The following FAM20C variants were observed in gnomAD, a reference collection of about 807,000 sequenced individuals.
FAM20C encodes FAM20C golgi associated secretory pathway kinase, also known as extracellular serine/threonine protein kinase FAM20C.
Under a neutral mutation model 51.5 loss-of-function variants are expected in FAM20C, and 40 were observed. That is an observed-to-expected ratio of 0.78 (90% CI 0.60 to 1.01). The LOEUF is 1.01. Ranked by LOEUF, FAM20C falls within the 50% of genes least tolerant of loss-of-function variation. The pLI is 0.00. For synonymous variants in FAM20C, 406 were observed against 380.6 expected, an observed-to-expected ratio of 1.07 and a Z score of -0.78; for missense variants, 861 against 844.7, an observed-to-expected ratio of 1.02 and a Z score of -0.24.
chr7:257,150 C>G, intron 8 of FAM20C, 64 bp downstream of exon 8: 1 of 1,438,178 alleles, frequency 7.0e-7, no homozygotes, highest in Non-Finnish European at 9.4e-7. Context: ...TACCTGCAGC[C>G]CACCTGAGAC....
At chr7:198,011 C>G (rs1347934653) in intron 2 of FAM20C, among the ~76,000 whole-genome samples, 1 of 152,222 alleles carries the variant, frequency 6.6e-6, no homozygotes, top group Non-Finnish European at 1.5e-5. Flanking sequence ...CCCCAGGATT[C>G]TGGTGTGGCC....
chr7:255,826 A>G, intron 5 of FAM20C, 23 bp from the exon 6 acceptor site: 1 of 1,535,914 alleles, frequency 6.5e-7, no homozygotes, highest in Non-Finnish European at 8.7e-7. Context: ...GGCCCTGGTA[A>G]CCCGCAGCCT....
In FAM20C at chr7:202,328, G is replaced by A. The variant is rs1254040237; in HGVS notation, c.785-6570G>A. ...GGGGGCCCTATGGATATCTTCCAGT[G>A]TGCATAGAGAGAATGGGTGACTGCT... On this transcript the variant is annotated intron_variant, in intron 2 of 9. Coordinates refer to ENST00000313766, the MANE Select transcript of FAM20C (RefSeq NM_020223.4). 2.7e-5 allele frequency among the ~76,000 whole-genome samples: 4 copies of A among 147,982 alleles called. No individual in the cohort carries two copies. The East Asian group carries it at 8.1e-4, about 30-fold the overall frequency.
chr7:250,382 G>T (rs1358360689), intron 5 of FAM20C, among the ~76,000 whole-genome samples: 1 of 152,066 alleles, frequency 6.6e-6, no homozygotes, highest in African/African-American at 2.4e-5. Context: ...CGGGAAGAAG[G>T]GCTCCCTTCC....
intron 4 of FAM20C, 32 bp from the exon 5 acceptor site, chr7:248,283 G>T: frequency 6.7e-7 from 1 of 1,490,888 alleles, no homozygotes; most frequent in Non-Finnish European, 9.0e-7. Flanking sequence ...GCCGCACAGA[G>T]CACAGACCAT....
chr7:193,900 G>A (rs1256354688), intron 1 of FAM20C, 96 bp downstream of exon 1: 3 of 1,423,176 alleles, frequency 2.1e-6, no homozygotes, highest in Non-Finnish European at 2.8e-6. Context: ...CGCCCCCCAT[G>A]GAAGAGGCCG....
rs562814995 is a variant in FAM20C at position 223,995 on chromosome 7, C to T, written c.863+15019C>T. ...CCGTCCTGTGTCTGCCCCGGGCTCC[C>T]GGCCCGCCAGCACCATCACGGGGGT... is the stretch of plus-strand genomic sequence containing the variant. On this transcript the variant is annotated intron_variant, in intron 3 of 9. Transcript: ENST00000313766. 1.9e-3 allele frequency among the ~76,000 whole-genome samples: 295 copies of T among 152,112 alleles called. 3 individuals carry two copies. The highest frequency in any genetic ancestry group is 6.3e-3 in the African/African-American group (259 of 41,422).
chr7:246,348 G>A lies in FAM20C; in HGVS notation c.864-67G>A, dbSNP rs1403782475. ...TCATATGAGGAACCCAGCACGTCCC[G>A]CCTGCCTCCGGCCCCTGGAGGCTTT... On this transcript the variant is annotated intron_variant, in intron 3 of 9. Transcript: ENST00000313766. 1.8e-5 allele frequency: 24 copies of A among 1,350,026 alleles called. No individual in the cohort carries two copies. The Middle Eastern group carries it at 5.3e-4, about 30-fold the overall frequency. 83.6% of individuals were successfully genotyped at this position (1,350,026 alleles called of 1,614,324 possible). A position where few individuals can be genotyped will look rare whatever the true frequency, so the allele number is the denominator to read the frequency against.
chr7:230,031 T>A (rs1296826372), intron 3 of FAM20C, among the ~76,000 whole-genome samples: 2 of 152,188 alleles, frequency 1.3e-5, no homozygotes, highest in East Asian at 3.9e-4. Context: ...CGCGACCCTC[T>A]GGAAGGTGCC....
At chr7:201,133 C>A (rs1051344478) in intron 2 of FAM20C, among the ~76,000 whole-genome samples, 2 of 152,208 alleles carry the variant, frequency 1.3e-5, no homozygotes, top group African/African-American at 2.4e-5. Context: ...TTGGGTGAGG[C>A]CCTACTTCCA....
chr7:209,035 G>C, intron 3 of FAM20C, 59 bp downstream of exon 3: 2 of 1,520,596 alleles, frequency 1.3e-6, no homozygotes, highest in South Asian at 2.4e-5. Context: ...GCGAGCAGGC[G>C]CCGGGCTTCT....
At chr7:206,042 C>T (rs1786363659) in intron 2 of FAM20C, among the ~76,000 whole-genome samples, 1 of 152,142 alleles carries the variant, frequency 6.6e-6, no homozygotes, top group African/African-American at 2.4e-5. Context: ...ACGCCCTCAG[C>T]ACACGCGCGT....
chr7:228,241 T>A (rs1583314579), intron 3 of FAM20C: 2 of 332,568 alleles, frequency 6.0e-6, no homozygotes, highest in Non-Finnish European at 1.2e-5. Flanking sequence ...AAAAGATAGG[T>A]CAGTAGGCGA....
intron 3 of FAM20C, among the ~76,000 whole-genome samples, chr7:223,551 TG>T (rs916747058): frequency 6.6e-6 from 1 of 152,144 alleles, no homozygotes; most frequent in Non-Finnish European, 1.5e-5. Flanking sequence ...GCAGATGCCG[TG>T]GGGCGGACAT....
intron 2 of FAM20C, among the ~76,000 whole-genome samples, chr7:201,224 G>A (rs569427521): frequency 1.3e-5 from 2 of 152,318 alleles, no homozygotes; most frequent in East Asian, 1.9e-4. Flanking sequence ...CAGGGGGACC[G>A]CCTGACCGTG....
intron 3 of FAM20C, among the ~76,000 whole-genome samples, chr7:223,445 C>T (rs532636384): frequency 2.6e-5 from 4 of 152,224 alleles, no homozygotes; most frequent in African/African-American, 7.2e-5. Context: ...CCGTCTGTCT[C>T]GCTCTCCGGG....
intron 2 of FAM20C, among the ~76,000 whole-genome samples, chr7:199,070 C>T (rs910733979): frequency 8.5e-5 from 13 of 152,210 alleles, no homozygotes; most frequent in Admixed American, 4.6e-4. Flanking sequence ...CTGCAGGGAA[C>T]GGCACAAGAG....
intron 1 of FAM20C, 187 bp from the exon 2 acceptor site, chr7:195,367 G>T: frequency 2.2e-6 from 1 of 463,644 alleles, no homozygotes; most frequent in Non-Finnish European, 3.7e-6. Context: ...GTTATTAGTT[G>T]GCAGCCGAGC....
rs140329343 is a variant in FAM20C, at chr7:208,591, G to C, written c.785-307G>C. Among the ~76,000 whole-genome samples the C allele has an allele frequency of 7.5e-4, 98 of 129,850 alleles. 5 individuals carry two copies. The highest frequency in any genetic ancestry group is 2.3e-3 in the African/African-American group (90 of 39,514). The allele number at this position is 129,850 out of a possible 152,430, so 85.2% of individuals were successfully genotyped here. On this transcript the variant is annotated intron_variant, in intron 2 of 9. Transcript: ENST00000313766. The stretch of plus-strand genomic sequence containing the variant: ...GTGTACATGGCTGTGTGGGGTGTGT[G>C]CTGATGTGGGTGGCTTATACGTGTG...
Sources: gnomAD v4.1 joint callset for allele counts (sites outside exome capture counted in the v4.1 genomes callset) on GRCh38, gnomAD v4.1.1 for gene constraint, MANE v1.5 for transcripts, NCBI Gene and HGNC (gene_info 2026-07-23, HGNC 2026-07-21) for gene names.